The following RBFOX1 variants were observed in gnomAD, a reference collection of about 807,000 sequenced individuals.
The protein encoded by RBFOX1 is RNA binding fox-1 homolog 1.
Under a neutral mutation model 57.7 loss-of-function variants are expected in RBFOX1, and 8 were observed. That is an observed-to-expected ratio of 0.14 (90% CI 0.08 to 0.25). The LOEUF is 0.25. Ranked by LOEUF, RBFOX1 falls within the 10% of genes least tolerant of loss-of-function variation. The pLI is 1.00. For missense variants in RBFOX1, 611 were observed against 548.5 expected, an observed-to-expected ratio of 1.11 and a Z score of -1.14; for synonymous variants, 326 against 222.4, an observed-to-expected ratio of 1.47 and a Z score of -4.15.
chr16:7,471,040 G>C (rs1017903910), intron 4 of RBFOX1, among the ~76,000 whole-genome samples: 3 of 152,064 alleles, frequency 2.0e-5, no homozygotes, highest in African/African-American at 7.2e-5. Context: ...TGCACAGACA[G>C]ATAATAATAG....
intron 3 of RBFOX1, among the ~76,000 whole-genome samples, chr16:6,860,634 C>G (rs1005370772): frequency 3.3e-5 from 5 of 152,090 alleles, no homozygotes; most frequent in African/African-American, 9.7e-5. Context: ...CAACAATCAA[C>G]CAGACATTAA....
intron 3 of RBFOX1, among the ~76,000 whole-genome samples, chr16:6,703,505 A>G (rs1245997981): frequency 8.5e-6 from 1 of 117,070 alleles, no homozygotes; most frequent in Non-Finnish European, 1.7e-5. Context: ...TGAGCTCAGC[A>G]GTTCAAGGCA....
At chr16:7,208,178 G>C (rs915292093) in intron 4 of RBFOX1, among the ~76,000 whole-genome samples, 13 of 152,086 alleles carry the variant, frequency 8.5e-5, no homozygotes, top group African/African-American at 2.9e-4. Flanking sequence ...CTTGGGCTGA[G>C]GTATGAAACT....
At chr16:6,378,223 G>A (rs2091417530) in intron 2 of RBFOX1, among the ~76,000 whole-genome samples, 1 of 152,210 alleles carries the variant, frequency 6.6e-6, no homozygotes, top group Non-Finnish European at 1.5e-5. Flanking sequence ...CAGCCTTTGA[G>A]CTCCATCTGC....
At chr16:6,786,775 C>T (rs2082035575) in intron 3 of RBFOX1, among the ~76,000 whole-genome samples, 1 of 152,060 alleles carries the variant, frequency 6.6e-6, no homozygotes, top group Admixed American at 6.6e-5. Context: ...AAACTCCACC[C>T]AATGGAAGTG....
At chr16:6,302,004 C>T (rs558849610) in intron 1 of RBFOX1, among the ~76,000 whole-genome samples, 8 of 152,252 alleles carry the variant, frequency 5.3e-5, no homozygotes, top group African/African-American at 1.4e-4. Flanking sequence ...GCTTTGTTTA[C>T]TGCAGGTTTT....
chr16:6,034,617 A>G (rs1310694925), intron 1 of RBFOX1, among the ~76,000 whole-genome samples: 1 of 152,160 alleles, frequency 6.6e-6, no homozygotes, highest in African/African-American at 2.4e-5. Flanking sequence ...ACAGTCCTTA[A>G]TAGTGTTGCA....
chr16:7,648,836 G>A (rs2064314693), intron 11 of RBFOX1, among the ~76,000 whole-genome samples: 1 of 152,058 alleles, frequency 6.6e-6, no homozygotes, highest in African/African-American at 2.4e-5. Context: ...TGAATTGAGG[G>A]CTCTGACAAT....
chr16:7,710,508 G>T (rs377021672), intron 15 of RBFOX1, 115 bp from the exon 16 acceptor site: 3 of 1,568,714 alleles, frequency 1.9e-6, no homozygotes, highest in Non-Finnish European at 2.6e-6. Context: ...TGGGTAGGGG[G>T]TGCCTCCATT....
intron 4 of RBFOX1, among the ~76,000 whole-genome samples, chr16:5,982,797 C>T (rs1418080992): frequency 1.3e-5 from 2 of 152,186 alleles, no homozygotes; most frequent in African/African-American, 2.4e-5. Context: ...TCCCATTTCT[C>T]TCTACTAGAA....
At chr16:5,423,095 AAGG>A (rs1301093124) in intron 1 of RBFOX1, among the ~76,000 whole-genome samples, 7 of 87,364 alleles carry the variant, frequency 8.0e-5, no homozygotes, top group African/African-American at 1.8e-4. Context: ...GAGGAAGAGG[AAGG>A]AGGAGGGAGA....
At chr16:6,324,281 A>G (rs919401602) in intron 2 of RBFOX1, among the ~76,000 whole-genome samples, 2 of 152,162 alleles carry the variant, frequency 1.3e-5, no homozygotes, top group Non-Finnish European at 2.9e-5. Flanking sequence ...CCTGATTACA[A>G]TACTGATAAT....
chr16:7,218,335 T>C (rs1215396424), intron 4 of RBFOX1, among the ~76,000 whole-genome samples: 1 of 152,212 alleles, frequency 6.6e-6, no homozygotes. Context: ...ATCAGTATAT[T>C]GTTTTCTGGT....
chr16:6,251,851 C>T (rs540298324), intron 1 of RBFOX1, among the ~76,000 whole-genome samples: 1 of 152,090 alleles, frequency 6.6e-6, no homozygotes, highest in Non-Finnish European at 1.5e-5. Context: ...GTCTGAGGAT[C>T]GTTTAAACTT....
intron 3 of RBFOX1, among the ~76,000 whole-genome samples, chr16:6,981,997 A>T (rs545515044): frequency 2.0e-4 from 31 of 152,186 alleles, no homozygotes; most frequent in African/African-American, 7.5e-4. Context: ...AATAGTGTGT[A>T]ATACAATTTC....
intron 3 of RBFOX1, among the ~76,000 whole-genome samples, chr16:6,925,541 C>A (rs1428830240): frequency 6.6e-6 from 1 of 151,668 alleles, no homozygotes; most frequent in Non-Finnish European, 1.5e-5. Context: ...GGATTTTGAT[C>A]TATTTTATTC....
intron 1 of RBFOX1, among the ~76,000 whole-genome samples, chr16:5,285,784 C>T (rs1032832302): frequency 1.4e-4 from 21 of 151,912 alleles, no homozygotes; most frequent in African/African-American, 3.9e-4. Flanking sequence ...TTGTTGTTGT[C>T]GTTGCTGAGA....
chr16:6,375,937 C>T (rs903963378), intron 2 of RBFOX1, among the ~76,000 whole-genome samples: 3 of 152,140 alleles, frequency 2.0e-5, no homozygotes, highest in African/African-American at 4.8e-5. Flanking sequence ...AGCAGGGGTG[C>T]CAGTGAACTT....
chr16:5,450,977 C>A (rs2068408117), intron 1 of RBFOX1, among the ~76,000 whole-genome samples: 1 of 152,168 alleles, frequency 6.6e-6, no homozygotes, highest in Admixed American at 6.5e-5. Context: ...TGATCACGGG[C>A]CATATCTGTC....
Sources: gnomAD v4.1 joint callset for allele counts (sites outside exome capture counted in the v4.1 genomes callset) on GRCh38, gnomAD v4.1.1 for gene constraint, MANE v1.5 for transcripts, NCBI Gene and HGNC (gene_info 2026-07-23, HGNC 2026-07-21) for gene names.